Variants in STAU2 observed in about 807,000 individuals in gnomAD.
STAU2 encodes staufen double-stranded RNA binding protein 2.
A neutral mutation model predicts 65.9 loss-of-function variants in STAU2; 20 were observed. That is an observed-to-expected ratio of 0.30 (90% CI 0.21 to 0.44). STAU2 has a LOEUF of 0.44. Ranked by LOEUF, STAU2 falls within the 20% of genes least tolerant of loss-of-function variation. The pLI is 1.00. For synonymous variants in STAU2, 232 were observed against 233.9 expected, an observed-to-expected ratio of 0.99 and a Z score of 0.07; for missense variants, 558 against 683.9, an observed-to-expected ratio of 0.82 and a Z score of 2.05.
intron 13 of STAU2, among the ~76,000 whole-genome samples, chr8:73,450,183 T>C (rs1275679365): frequency 6.6e-6 from 1 of 152,198 alleles, no homozygotes; most frequent in Non-Finnish European, 1.5e-5. Context: ...ATTAGAAATA[T>C]TGGAAGTATA....
intron 1 of STAU2, 47 bp from the exon 2 acceptor site, chr8:73,739,915 T>C (rs889747813): frequency 1.3e-6 from 1 of 756,178 alleles, no homozygotes; most frequent in African/African-American, 1.8e-5. Flanking sequence ...ACTTCCAAGA[T>C]TAGGTTATAA....
At chr8:73,653,028 A>C (rs1316727549) in intron 6 of STAU2, 1 of 152,228 alleles carries the variant, frequency 6.6e-6, no homozygotes, top group Non-Finnish European at 1.5e-5. Context: ...TTTGCCCCAA[A>C]TTCAAACAAT....
In STAU2 at chr8:73,738,346, A is replaced by C. The variant is rs1208270122; in HGVS notation, c.-80T>G. The C allele has an allele frequency of 6.4e-7, 1 of 1,574,652 alleles. No individual in the cohort carries two copies. The highest frequency in any genetic ancestry group is 8.6e-7 in the Non-Finnish European group (1 of 1,168,038). On this transcript the variant is annotated 5_prime_UTR_variant, in exon 3 of 15. Transcript: ENST00000524300. ...AACTGCTGTATCCCTCACGGCTCCAAAAACTGGAAAACGAAAATGAAGAAA... is the reference window on the plus strand; with the variant it reads ...AACTGCTGTATCCCTCACGGCTCCACAAACTGGAAAACGAAAATGAAGAAA...
chr8:73,588,435 G>A (rs113927591), intron 11 of STAU2, among the ~76,000 whole-genome samples: 5,526 of 152,346 alleles, frequency 0.036, 132 homozygotes, highest in Admixed American at 0.053. Context: ...TGGATTCTCA[G>A]AAGGACAACT....
intron 13 of STAU2, chr8:73,550,688 A>C: frequency 3.0e-6 from 3 of 986,682 alleles, no homozygotes; most frequent in Non-Finnish European, 1.2e-6. Context: ...AAGGTAAAAC[A>C]ACAAAAACAA....
intron 4 of STAU2, among the ~76,000 whole-genome samples, chr8:73,706,519 T>C (rs1160246033): frequency 6.6e-6 from 1 of 152,168 alleles, no homozygotes; most frequent in African/African-American, 2.4e-5. Context: ...AGGCCACTGA[T>C]AGACATACAT....
At chr8:73,649,869 T>TTATTTATA (rs71269927) in intron 6 of STAU2, among the ~76,000 whole-genome samples, 2,866 of 71,504 alleles carry the variant, frequency 0.04, 292 homozygotes, top group Middle Eastern at 0.059. Flanking sequence ...CTATATAATT[T>TTATTTATA]TATATATATA....
chr8:73,437,055 G>A (rs1052108345), intron 13 of STAU2, among the ~76,000 whole-genome samples: 2 of 152,048 alleles, frequency 1.3e-5, no homozygotes, highest in Non-Finnish European at 2.9e-5. Context: ...TCTCAACAAT[G>A]TCCTTTAAAG....
At position 73,483,402 on chromosome 8, in the gene STAU2, T is replaced by C. The variant is rs1033149451; in HGVS notation, c.1531-60700A>G. 7.2e-5 allele frequency among the ~76,000 whole-genome samples: 11 copies of C among 152,278 alleles called. No individual in the cohort carries two copies. In the East Asian group the frequency reaches 2.1e-3, roughly 29 times the overall value. On this transcript the variant is annotated intron_variant, in intron 13 of 14. Transcript: ENST00000524300. ...AAAATATGTGATTTATATGTGACCA[T>C]TTATATAGCTCTTATCTATGATTTC...
intron 13 of STAU2, among the ~76,000 whole-genome samples, chr8:73,500,452 C>T (rs1160034678): frequency 1.3e-5 from 2 of 151,698 alleles, no homozygotes; most frequent in Non-Finnish European, 2.9e-5. Context: ...ATGTTGAGGG[C>T]TCACTGTAGT....
intron 13 of STAU2, among the ~76,000 whole-genome samples, chr8:73,548,394 C>CA (rs1807086308): frequency 6.6e-6 from 1 of 152,026 alleles, no homozygotes. Context: ...ACCACCCCCC[C>CA]ACTTCCACCA....
chr8:73,462,612 G>A (rs867584079), intron 13 of STAU2, among the ~76,000 whole-genome samples: 7 of 151,898 alleles, frequency 4.6e-5, no homozygotes, highest in Middle Eastern at 3.4e-3. Context: ...TGCCCAGGAT[G>A]GTCTTGAACT....
At chr8:73,456,607 C>G (rs1015894628) in intron 13 of STAU2, among the ~76,000 whole-genome samples, 1 of 152,010 alleles carries the variant, frequency 6.6e-6, no homozygotes, top group Non-Finnish European at 1.5e-5. Context: ...GAGGCAGGAA[C>G]GAGCATGGGG....
intron 11 of STAU2, among the ~76,000 whole-genome samples, chr8:73,585,228 C>A (rs1293831823): frequency 6.6e-6 from 1 of 152,240 alleles, no homozygotes; most frequent in East Asian, 1.9e-4. Flanking sequence ...AGCCTGTAAT[C>A]CCAGCACTTT....
chr8:73,565,973 A>G (rs1327183190), intron 12 of STAU2, among the ~76,000 whole-genome samples: 4 of 152,034 alleles, frequency 2.6e-5, no homozygotes, highest in Non-Finnish European at 5.9e-5. Flanking sequence ...GTGGTAAAGC[A>G]AAAAAAAGAA....
intron 3 of STAU2, among the ~76,000 whole-genome samples, chr8:73,721,750 A>G (rs969200970): frequency 6.6e-6 from 1 of 152,148 alleles, no homozygotes; most frequent in African/African-American, 2.4e-5. Flanking sequence ...AGGTTACCAT[A>G]TTATATCTTT....
At chr8:73,445,141 A>C (rs1184880347) in intron 13 of STAU2, among the ~76,000 whole-genome samples, 1 of 152,270 alleles carries the variant, frequency 6.6e-6, no homozygotes, top group South Asian at 2.1e-4. Context: ...GTGAGTGAGC[A>C]GGACTATAGA....
chr8:73,434,615 A>G (rs763480179), intron 13 of STAU2, among the ~76,000 whole-genome samples: 10 of 151,880 alleles, frequency 6.6e-5, no homozygotes, highest in Non-Finnish European at 1.5e-4. Flanking sequence ...GCTGAAGGCT[A>G]CGTGACTGCA....
At chr8:73,595,985 A>G (rs920485557) in intron 10 of STAU2, among the ~76,000 whole-genome samples, 2 of 151,920 alleles carry the variant, frequency 1.3e-5, no homozygotes, top group Non-Finnish European at 2.9e-5. Context: ...GATGGAACAC[A>G]CCTGTAGTCC....
Sources: gnomAD v4.1 joint callset for allele counts (sites outside exome capture counted in the v4.1 genomes callset) on GRCh38, gnomAD v4.1.1 for gene constraint, MANE v1.5 for transcripts, NCBI Gene and HGNC (gene_info 2026-07-23, HGNC 2026-07-21) for gene names.